Variants in MDGA2 observed in about 807,000 individuals in gnomAD.
MDGA2 encodes the protein MAM domain-containing glycosylphosphatidylinositol anchor protein 2.
In MDGA2, 40 loss-of-function variants were observed where a neutral mutation model predicts 117.8. That is an observed-to-expected ratio of 0.34 (90% CI 0.26 to 0.44). The LOEUF is 0.44. Ranked by LOEUF, MDGA2 falls within the 20% of genes least tolerant of loss-of-function variation. The pLI is 1.00. For synonymous variants in MDGA2, 452 were observed against 439.0 expected (o/e 1.03, Z -0.37); for missense variants, 1,123 against 1,250.6 (o/e 0.90, Z 1.54).
chr14:46,973,691 T>C (rs1324915694), intron 8 of MDGA2, among the ~76,000 whole-genome samples: 5 of 152,160 alleles, frequency 3.3e-5, no homozygotes, highest in Admixed American at 1.3e-4. Flanking sequence ...ACGTTTCAGG[T>C]ACAATGAAAC....
intron 5 of MDGA2, among the ~76,000 whole-genome samples, chr14:47,125,131 CT>C (rs1881836654): frequency 6.6e-6 from 1 of 152,036 alleles, no homozygotes; most frequent in South Asian, 2.1e-4. Flanking sequence ...ACACAAGAGG[CT>C]AGAGAAATTC....
intron 3 of MDGA2, among the ~76,000 whole-genome samples, chr14:47,174,710 T>C (rs954006858): frequency 6.6e-6 from 1 of 151,824 alleles, no homozygotes; most frequent in Non-Finnish European, 1.5e-5. Flanking sequence ...AGATACAAAA[T>C]TGACACCCTA....
chr14:47,076,509 G>T (rs559555279), intron 6 of MDGA2, among the ~76,000 whole-genome samples: 1 of 151,638 alleles, frequency 6.6e-6, no homozygotes, highest in Non-Finnish European at 1.5e-5. Flanking sequence ...ATCAGGTTAC[G>T]ATGTATTTCA....
intron 15 of MDGA2, among the ~76,000 whole-genome samples, chr14:46,849,556 T>C (rs1298991791): frequency 6.6e-6 from 1 of 151,890 alleles, no homozygotes; most frequent in Non-Finnish European, 1.5e-5. Flanking sequence ...AGTGTAGATA[T>C]TAAATTTAAG....
chr14:47,203,496 G>A (rs1251200913), intron 3 of MDGA2, among the ~76,000 whole-genome samples: 1 of 151,926 alleles, frequency 6.6e-6, no homozygotes, highest in Non-Finnish European at 1.5e-5. Flanking sequence ...AGAGCTTTAG[G>A]TATTGCTAGG....
rs1336514508 is a variant in MDGA2, at chr14:47,000,719, G to T, written c.1819+34292C>A. Among the ~76,000 whole-genome samples, 2 of 151,608 alleles carry T rather than the reference G, an allele frequency of 1.3e-5. 1 individual carries two copies. The highest frequency in any genetic ancestry group is 4.1e-4 in the South Asian group (2 of 4,824). ...TTGCCTAAGGTTGCAGCAGACCTGG[G>T]AAGAGAACTGAATAGCTTAGATTCA... On this transcript the variant is annotated intron_variant, in intron 8 of 16. Transcript: ENST00000399232.
In MDGA2 at chr14:46,865,819, C is replaced by G. The variant is rs1253994407; in HGVS notation, c.2752+7614G>C. 2.3e-3 allele frequency among the ~76,000 whole-genome samples: 342 copies of G among 151,698 alleles called. 1 individual carries two copies. The highest frequency in any genetic ancestry group is 7.5e-3 in the African/African-American group (312 of 41,338). On this transcript the variant is annotated intron_variant, in intron 14 of 16. Transcript: ENST00000399232. ...GCTTCAAAGAGAATAAAATACCTAG[C>G]AATCCAACTTACAAGGGATGTGAAG...
At chr14:47,612,205 T>TAGAC (rs1167078339) in intron 1 of MDGA2, among the ~76,000 whole-genome samples, 39 of 117,482 alleles carry the variant, frequency 3.3e-4, no homozygotes, top group Admixed American at 7.1e-4. Context: ...GATAGATAGA[T>TAGAC]AGACAGATAG....
intron 1 of MDGA2, among the ~76,000 whole-genome samples, chr14:47,377,664 G>A (rs1891510422): frequency 6.6e-6 from 1 of 152,178 alleles, no homozygotes; most frequent in Non-Finnish European, 1.5e-5. Context: ...GAGGCTGGGA[G>A]AGGGGCATCT....
chr14:47,592,434 C>T lies in MDGA2; in HGVS notation c.280+82083G>A, dbSNP rs184212121. ...CAAAACAGAGCCTGTATAGCCAAGA[C>T]AATCCTAAGCAAAAAGAACAAAGCT... On this transcript the variant is annotated intron_variant, in intron 1 of 16. Transcript: ENST00000399232. Among the ~76,000 whole-genome samples the T allele has an allele frequency of 5.3e-5, 8 of 151,880 alleles. No homozygotes were observed. The East Asian group carries it at 1.5e-3, about 29-fold the overall frequency.
At chr14:47,403,073 TTC>T (rs1892188446) in intron 1 of MDGA2, among the ~76,000 whole-genome samples, 1 of 152,164 alleles carries the variant, frequency 6.6e-6, no homozygotes, top group Non-Finnish European at 1.5e-5. Context: ...TCTCCACACT[TTC>T]TCTCTCTAGC....
At position 47,383,362 on chromosome 14, in the gene MDGA2, G is replaced by T. The variant is rs147295660; in HGVS notation, c.281-81812C>A. On this transcript the variant is annotated intron_variant, in intron 1 of 16. Transcript: ENST00000399232. ...AAGTACAATTAAAAAAAAAAGAAAA[G>T]AAAAATATACTGGATTACTTGGTAG... Among the ~76,000 whole-genome samples, 38 of 151,716 alleles carry T rather than the reference G, an allele frequency of 2.5e-4. No individual in the cohort carries two copies. In the East Asian group the frequency reaches 7.4e-3, roughly 29 times the overall value.
At chr14:46,858,229 C>T (rs564834984) in intron 14 of MDGA2, among the ~76,000 whole-genome samples, 84 of 151,080 alleles carry the variant, frequency 5.6e-4, no homozygotes, top group Middle Eastern at 3.5e-3. Flanking sequence ...TTAAGCCCAC[C>T]CAGTAAATTT....
intron 3 of MDGA2, among the ~76,000 whole-genome samples, chr14:47,180,907 C>T (rs1388909807): frequency 2.6e-5 from 4 of 151,900 alleles, no homozygotes; most frequent in East Asian, 1.9e-4. Flanking sequence ...GGCGACAGAG[C>T]GAGACTTCCA....
intron 1 of MDGA2, among the ~76,000 whole-genome samples, chr14:47,489,945 C>A (rs1894135705): frequency 6.6e-6 from 1 of 152,052 alleles, no homozygotes; most frequent in East Asian, 1.9e-4. Context: ...ACTTGGTAGT[C>A]TTCATACTCA....
At chr14:47,241,223 G>A (rs1209387459) in intron 2 of MDGA2, among the ~76,000 whole-genome samples, 1 of 151,784 alleles carries the variant, frequency 6.6e-6, no homozygotes, top group Non-Finnish European at 1.5e-5. Context: ...CCTGGGGGAA[G>A]GGAAATACCT....
intron 3 of MDGA2, among the ~76,000 whole-genome samples, chr14:47,186,194 A>G (rs554163383): frequency 1.3e-5 from 2 of 151,822 alleles, no homozygotes; most frequent in Admixed American, 6.6e-5. Context: ...GAAACAATTC[A>G]TATGGTCACA....
At chr14:47,635,778 A>G (rs1897311154) in intron 1 of MDGA2, among the ~76,000 whole-genome samples, 1 of 152,212 alleles carries the variant, frequency 6.6e-6, no homozygotes, top group Non-Finnish European at 1.5e-5. Context: ...CAGGAACAAT[A>G]ATGCTGATTT....
At chr14:47,033,710 G>A (rs969987534) in intron 8 of MDGA2, among the ~76,000 whole-genome samples, 2 of 151,998 alleles carry the variant, frequency 1.3e-5, no homozygotes, top group Non-Finnish European at 2.9e-5. Context: ...AAATCAGCCA[G>A]GTTATTTGGC....
Sources: allele counts gnomAD v4.1 joint callset (sites outside exome capture counted in the v4.1 genomes callset), GRCh38; gene constraint gnomAD v4.1.1; transcripts MANE v1.5; gene names NCBI Gene and HGNC (gene_info 2026-07-23, HGNC 2026-07-21).